The following RARB variants were observed in gnomAD, a reference collection of about 807,000 sequenced individuals.
RARB encodes HBV-activated protein.
RARB carries 17 observed loss-of-function variants against 51.9 expected under a neutral mutation model. The observed-to-expected ratio is 0.33, with a 90% confidence interval of 0.22 to 0.49. The LOEUF is 0.49. Among genes scored for constraint, RARB ranks in the 20% least tolerant of loss-of-function variants. The probability of loss-of-function intolerance (pLI) is 0.99; values close to 1 mark genes in which losing one functional copy is unlikely to be tolerated. For missense variants in RARB, 369 were observed against 550.8 expected (o/e 0.67, Z 3.30); for synonymous variants, 215 against 195.4 (o/e 1.10, Z -0.84).
intron 2 of RARB, among the ~76,000 whole-genome samples, chr3:25,013,493 C>G (rs1697441078): frequency 6.6e-6 from 1 of 152,098 alleles, no homozygotes; most frequent in African/African-American, 2.4e-5. Context: ...TTTCCTGTTT[C>G]AGTCATCCTG....
chr3:25,570,668 C>A (rs2125287830), intron 4 of RARB, among the ~76,000 whole-genome samples: 1 of 152,192 alleles, frequency 6.6e-6, no homozygotes, highest in South Asian at 2.1e-4. Flanking sequence ...TTTAATTTTT[C>A]CAAGTGGTTT....
chr3:25,572,647 G>A (rs555309816), intron 4 of RARB, among the ~76,000 whole-genome samples: 2 of 152,282 alleles, frequency 1.3e-5, no homozygotes, highest in Admixed American at 6.5e-5. Flanking sequence ...GGAGAGAGCT[G>A]TGACCCAGGA....
At position 24,855,669 on chromosome 3, in the gene RARB, A is replaced by T. The variant is rs1042677349; in HGVS notation, c.-458-3005A>T. ...CATGTTATATGGATTGTTTAAAAAA[A>T]TTTGAACAGAAAAATCACGACCTAC... On this transcript the variant is annotated intron_variant, in intron 1 of 11. Coordinates refer to the RARB transcript ENST00000383772. Among the ~76,000 whole-genome samples the T allele has an allele frequency of 4.6e-5, 7 of 152,044 alleles. No individual in the cohort carries two copies. The East Asian group carries it at 7.7e-4, about 17-fold the overall frequency.
chr3:24,970,197 G>A (rs532490415), intron 2 of RARB, among the ~76,000 whole-genome samples: 27 of 152,156 alleles, frequency 1.8e-4, no homozygotes, highest in African/African-American at 6.0e-4. Context: ...TTGGCCTATG[G>A]CTGTAGCTTA....
At chr3:25,328,017 A>G (rs1165490615) in intron 5 of RARB, among the ~76,000 whole-genome samples, 2 of 152,234 alleles carry the variant, frequency 1.3e-5, no homozygotes. Flanking sequence ...CTATTTAACA[A>G]AAACCTTATC....
At chr3:24,976,180 T>G (rs1054076697) in intron 2 of RARB, among the ~76,000 whole-genome samples, 27 of 152,186 alleles carry the variant, frequency 1.8e-4, no homozygotes, top group Non-Finnish European at 5.9e-5. Context: ...TGATGGACAT[T>G]TGGGTTGGTT....
At chr3:25,134,402 C>T (rs890056642) in intron 4 of RARB, among the ~76,000 whole-genome samples, 1 of 151,876 alleles carries the variant, frequency 6.6e-6, no homozygotes, top group African/African-American at 2.4e-5. Context: ...GCTGAATCAC[C>T]TGAGTTAGTT....
chr3:25,396,648 C>G (rs1707122835), intron 5 of RARB, among the ~76,000 whole-genome samples: 1 of 152,024 alleles, frequency 6.6e-6, no homozygotes, highest in Non-Finnish European at 1.5e-5. Context: ...AGAGAAAAAC[C>G]ATCAGGTTAG....
chr3:25,527,820 G>T (rs1209118680), intron 3 of RARB, among the ~76,000 whole-genome samples: 1 of 152,076 alleles, frequency 6.6e-6, no homozygotes, highest in African/African-American at 2.4e-5. Flanking sequence ...GGATTTAAGA[G>T]AAAACAAAAC....
intron 4 of RARB, among the ~76,000 whole-genome samples, chr3:25,150,696 T>C (rs1002002767): frequency 2.0e-5 from 3 of 152,164 alleles, no homozygotes; most frequent in Non-Finnish European, 2.9e-5. Flanking sequence ...AATGATCTTT[T>C]TAAACAGAAT....
At chr3:25,059,226 T>C (rs1232714625) in intron 2 of RARB, among the ~76,000 whole-genome samples, 1 of 151,800 alleles carries the variant, frequency 6.6e-6, no homozygotes, top group Non-Finnish European at 1.5e-5. Context: ...TAAGCCACTA[T>C]TTATGTACAT....
rs190853062 is a variant in RARB at position 24,838,322 on chromosome 3, G to A, written c.-459+8919G>A. On this transcript the variant is annotated intron_variant, in intron 1 of 11. Transcript: ENST00000383772. The stretch of plus-strand genomic sequence containing the variant: ...ATCTCCTTTTTTAAGGTCAATTGAT[G>A]AGTAACTTTAATTACATCTGCAAAA... Among the ~76,000 whole-genome samples the A allele has an allele frequency of 1.1e-3, 170 of 152,220 alleles. 1 individual carries two copies. Among genetic ancestry groups the A allele is most frequent in the African/African-American group, 3.7e-3 (155 of 41,538 alleles).
chr3:25,225,016 A>G (rs543606030), intron 5 of RARB, among the ~76,000 whole-genome samples: 200 of 152,306 alleles, frequency 1.3e-3, no homozygotes, highest in African/African-American at 4.4e-3. Flanking sequence ...TATAAATTTT[A>G]TAAATCTAGA....
At chr3:24,922,859 A>G (rs6782972) in intron 2 of RARB, among the ~76,000 whole-genome samples, 46,139 of 152,076 alleles carry the variant, frequency 0.3, 8,080 homozygotes, top group African/African-American at 0.49. Context: ...TCAGGGTTAT[A>G]GACCCTTAGA....
chr3:25,115,756 G>A (rs1476697078), intron 3 of RARB, among the ~76,000 whole-genome samples: 2 of 151,472 alleles, frequency 1.3e-5, no homozygotes, highest in Non-Finnish European at 2.9e-5. Flanking sequence ...CAAGCTCCTG[G>A]GCTCAAACTA....
intron 5 of RARB, among the ~76,000 whole-genome samples, chr3:25,338,680 C>T (rs1377390349): frequency 6.6e-6 from 1 of 152,186 alleles, no homozygotes; most frequent in African/African-American, 2.4e-5. Context: ...GGTCATGTTG[C>T]TTCTTCATAA....
intron 5 of RARB, among the ~76,000 whole-genome samples, chr3:25,309,437 C>A (rs2125432602): frequency 6.7e-6 from 1 of 149,678 alleles, no homozygotes; most frequent in South Asian, 2.1e-4. Context: ...CCATGCCCGG[C>A]CTCCTCTATT....
chr3:25,124,675 C>G (rs1188044784), intron 3 of RARB, among the ~76,000 whole-genome samples: 1 of 152,218 alleles, frequency 6.6e-6, no homozygotes, highest in African/African-American at 2.4e-5. Flanking sequence ...TTAAGCATAT[C>G]CGCTGAAATG....
Position 25,413,994 on chromosome 3 carries a change from G to C in RARB, c.179-47199G>C, listed in dbSNP as rs375186699. On this transcript the variant is annotated intron_variant, in intron 5 of 11. Coordinates refer to the RARB transcript ENST00000383772. ...CCTGTGAAACCATTACCATAATCAA[G>C]ATATAAACATTTCCACCACCACCAC... is the stretch of plus-strand genomic sequence containing the variant. Among the ~76,000 whole-genome samples, 5 of 152,154 alleles carry C rather than the reference G, an allele frequency of 3.3e-5. No homozygotes were observed. In the East Asian group the frequency reaches 5.8e-4, roughly 18 times the overall value.
Sources: allele counts gnomAD v4.1 joint callset (sites outside exome capture counted in the v4.1 genomes callset), GRCh38; gene constraint gnomAD v4.1.1; transcripts MANE v1.5; gene names NCBI Gene and HGNC (gene_info 2026-07-23, HGNC 2026-07-21).